SPEF2: variants seen among roughly 807,000 people sequenced by gnomAD.
SPEF2 encodes sperm flagellar and cilia associated 2.
A neutral mutation model predicts 224.6 loss-of-function variants in SPEF2; 187 were observed. The ratio of observed to expected loss-of-function variants is 0.83; its 90% CI spans 0.74 to 0.94. SPEF2 has a LOEUF of 0.94. Ranked by LOEUF, SPEF2 falls within the 40% of genes least tolerant of loss-of-function variation. SPEF2 has a pLI of 0.00. For missense variants in SPEF2, 2,170 were observed against 2,135.6 expected (o/e 1.02, Z -0.32); for synonymous variants, 715 against 707.3 (o/e 1.01, Z -0.17).
intron 24 of SPEF2, among the ~76,000 whole-genome samples, chr5:35,758,419 G>A (rs974304071): frequency 6.6e-6 from 1 of 152,080 alleles, no homozygotes; most frequent in East Asian, 1.9e-4. Context: ...AGACCAGGTC[G>A]AAAAATATCA....
At chr5:35,626,671 T>C (rs947336672) in intron 1 of SPEF2, among the ~76,000 whole-genome samples, 5 of 152,206 alleles carry the variant, frequency 3.3e-5, no homozygotes, top group Admixed American at 1.3e-4. Flanking sequence ...CCTGAGTACA[T>C]AGAATCAGTG....
At chr5:35,689,512 C>T (rs1754140855) in intron 10 of SPEF2, among the ~76,000 whole-genome samples, 1 of 152,138 alleles carries the variant, frequency 6.6e-6, no homozygotes, top group African/African-American at 2.4e-5. Flanking sequence ...CTCCCCATCT[C>T]CTCCCTCTAG....
At chr5:35,774,408 A>T (rs2149789291) in intron 28 of SPEF2, among the ~76,000 whole-genome samples, 1 of 152,320 alleles carries the variant, frequency 6.6e-6, no homozygotes, top group Non-Finnish European at 1.5e-5. Context: ...GTGGTTTTAT[A>T]TTACAGTAAG....
intron 23 of SPEF2, among the ~76,000 whole-genome samples, chr5:35,743,371 A>G (rs560920194): frequency 1.3e-3 from 191 of 152,302 alleles, no homozygotes; most frequent in Non-Finnish European, 5.3e-4. Context: ...AGTCAAGGGA[A>G]GAAAAATAAA....
At chr5:35,685,234 T>C (rs1580267148) in intron 10 of SPEF2, among the ~76,000 whole-genome samples, 1 of 152,152 alleles carries the variant, frequency 6.6e-6, no homozygotes, top group East Asian at 1.9e-4. Context: ...TATAACTACA[T>C]TACACCAATT....
At chr5:35,784,975 A>G (rs548330482) in intron 30 of SPEF2, among the ~76,000 whole-genome samples, 6 of 152,180 alleles carry the variant, frequency 3.9e-5, no homozygotes, top group Non-Finnish European at 7.3e-5. Context: ...AGTTCTATGG[A>G]TTTTTCCAGG....
intron 8 of SPEF2, among the ~76,000 whole-genome samples, chr5:35,660,520 G>T (rs1175956470): frequency 6.6e-6 from 1 of 152,178 alleles, no homozygotes; most frequent in African/African-American, 2.4e-5. Flanking sequence ...TTTTGCCTTT[G>T]TGGAACAGGC....
At chr5:35,778,912 G>A (rs1753955205) in intron 29 of SPEF2, among the ~76,000 whole-genome samples, 1 of 152,056 alleles carries the variant, frequency 6.6e-6, no homozygotes, top group African/African-American at 2.4e-5. Context: ...TAATAAGCAT[G>A]CATTTTCTAT....
At chr5:35,799,904 G>A (rs1561384586) in intron 33 of SPEF2, 64 bp from the exon 34 acceptor site, 1 of 1,565,368 alleles carries the variant, frequency 6.4e-7, no homozygotes, top group African/African-American at 1.4e-5. Flanking sequence ...ATTCTTCATT[G>A]CATGACTAAC....
chr5:35,709,568 A>G (rs1740684861), intron 19 of SPEF2: 1 of 986,512 alleles, frequency 1.0e-6, no homozygotes, highest in African/African-American at 1.7e-5. Flanking sequence ...ACTAGAATTT[A>G]TATGTAATTG....
chr5:35,739,857 C>T (rs185284128), intron 21 of SPEF2, 62 bp from the exon 22 acceptor site: 139 of 1,580,372 alleles, frequency 8.8e-5, no homozygotes, highest in African/African-American at 3.8e-4. Context: ...GTTCTTTTGA[C>T]ACTATTATTC....
At chr5:35,664,752 G>A (rs1488768760) in intron 8 of SPEF2, among the ~76,000 whole-genome samples, 3 of 147,342 alleles carry the variant, frequency 2.0e-5, no homozygotes, top group Non-Finnish European at 4.5e-5. Context: ...GAGAGAGAGA[G>A]GAAGGAAGGA....
chr5:35,623,265 T>C (rs1743777660), intron 1 of SPEF2, among the ~76,000 whole-genome samples: 1 of 152,212 alleles, frequency 6.6e-6, no homozygotes, highest in Non-Finnish European at 1.5e-5. Flanking sequence ...CACAGCCTGA[T>C]AGGGCCATGC....
chr5:35,779,023 T>G, intron 29 of SPEF2, 94 bp from the exon 30 acceptor site: 1 of 829,440 alleles, frequency 1.2e-6, no homozygotes, highest in East Asian at 2.7e-5. Flanking sequence ...AGCTATATAA[T>G]CTGTTTACTT....
At chr5:35,778,387 A>G (rs1561350166) in intron 29 of SPEF2, among the ~76,000 whole-genome samples, 1 of 152,174 alleles carries the variant, frequency 6.6e-6, no homozygotes, top group Non-Finnish European at 1.5e-5. Context: ...TGTTGATTCC[A>G]TTGCAAAGAC....
chr5:35,741,085 T>A (rs1747549426), intron 23 of SPEF2, among the ~76,000 whole-genome samples: 1 of 152,210 alleles, frequency 6.6e-6, no homozygotes, highest in African/African-American at 2.4e-5. Context: ...TTAAAGAGGC[T>A]AGGGATTCAG....
At chr5:35,677,269 T>C (rs1484612721) in intron 10 of SPEF2, among the ~76,000 whole-genome samples, 2 of 152,186 alleles carry the variant, frequency 1.3e-5, no homozygotes, top group African/African-American at 4.8e-5. Context: ...AACATTCCTT[T>C]AAATAGTAAG....
chr5:35,641,891 A>G, intron 3 of SPEF2: 1 of 451,530 alleles, frequency 2.2e-6, no homozygotes, highest in Non-Finnish European at 3.8e-6. Context: ...CCATATTGCC[A>G]ATAGCTTATC....
intron 7 of SPEF2, among the ~76,000 whole-genome samples, chr5:35,656,338 A>G (rs1748952869): frequency 6.6e-6 from 1 of 152,180 alleles, no homozygotes; most frequent in Admixed American, 6.5e-5. Flanking sequence ...CATGGATTCC[A>G]CTTCTTTCTT....
Sources: gnomAD v4.1 joint callset for allele counts (sites outside exome capture counted in the v4.1 genomes callset) on GRCh38, gnomAD v4.1.1 for gene constraint, MANE v1.5 for transcripts, NCBI Gene and HGNC (gene_info 2026-07-23, HGNC 2026-07-21) for gene names.